Variants in BRI3 observed in about 807,000 individuals in gnomAD.
BRI3 encodes brain protein I3.
BRI3 carries 6 observed loss-of-function variants against 12.8 expected under a neutral mutation model. That is an observed-to-expected ratio of 0.47 (90% CI 0.26 to 0.93). The LOEUF (loss-of-function observed/expected upper bound fraction) is 0.93, where lower values mean the gene tolerates loss of function less well. Among genes scored for constraint, BRI3 ranks in the 40% least tolerant of loss-of-function variants. BRI3 has a pLI of 0.15. For missense variants in BRI3, 134 were observed against 171.1 expected (o/e 0.78, Z 1.21); for synonymous variants, 91 against 76.1 (o/e 1.20, Z -1.02).
intron 1 of BRI3, among the ~76,000 whole-genome samples, chr7:98,299,624 A>G (rs1800337679): frequency 6.9e-6 from 1 of 144,068 alleles, no homozygotes; most frequent in Non-Finnish European, 1.5e-5. Flanking sequence ...TCCAAGTAGC[A>G]GGGATCACAG....
chr7:98,319,565 G>C, the BRI3 span, among the ~76,000 whole-genome samples: 1 of 57,420 alleles, frequency 1.7e-5, no homozygotes, highest in African/African-American at 5.7e-5. Flanking sequence ...TTTTTTTTTT[G>C]AGATGGAGTC....
At chr7:98,322,686 C>CA in the BRI3 span, among the ~76,000 whole-genome samples, 4 of 152,180 alleles carry the variant, frequency 2.6e-5, no homozygotes, top group Admixed American at 2.0e-4. Flanking sequence ...CACGTCCCAC[C>CA]ACGTGGGCTT....
At chr7:98,286,941 C>T (rs746917218) in intron 2 of BRI3, among the ~76,000 whole-genome samples, 1 of 152,184 alleles carries the variant, frequency 6.6e-6, no homozygotes, top group Non-Finnish European at 1.5e-5. Context: ...GTTGTGGGTA[C>T]GGCTGTGGAA....
At chr7:98,313,079 T>C (rs1001227679), downstream of BRI3, among the ~76,000 whole-genome samples, 1 of 151,682 alleles carries the variant, frequency 6.6e-6, no homozygotes, top group African/African-American at 2.4e-5. Flanking sequence ...ATGTCAGTCC[T>C]GGGGAAGGGC....
chr7:98,320,604 G>A, the BRI3 span, among the ~76,000 whole-genome samples: 1 of 152,132 alleles, frequency 6.6e-6, no homozygotes, highest in African/African-American at 2.4e-5. Context: ...CAAAGTTCTG[G>A]GATTACAGGT....
At chr7:98,306,771 G>C (rs545706584) in intron 1 of BRI3, 1 of 479,554 alleles carries the variant, frequency 2.1e-6, no homozygotes, top group Non-Finnish European at 3.7e-6. Context: ...GCAGTGGTGC[G>C]ATCATAGCTC....
the BRI3 span, chr7:98,315,750 G>T: frequency 2.7e-6 from 1 of 374,124 alleles, no homozygotes; most frequent in Non-Finnish European, 4.3e-6. Context: ...TGAGAGGAAA[G>T]AATGCTGTAA....
intron 2 of BRI3, among the ~76,000 whole-genome samples, chr7:98,288,236 C>T (rs1799777398): frequency 1.3e-5 from 2 of 152,202 alleles, no homozygotes; most frequent in Non-Finnish European, 2.9e-5. Flanking sequence ...CCTCCAGCTC[C>T]CCCGGAACCT....
exon 2 of BRI3, chr7:98,310,301 G>A: frequency 1.2e-6 from 1 of 847,630 alleles, no homozygotes; most frequent in Non-Finnish European, 1.8e-6. Flanking sequence ...CTCACGCTCT[G>A]CAAAGCCAGG....
chr7:98,300,749 G>A (rs548692225), intron 1 of BRI3, among the ~76,000 whole-genome samples: 4 of 152,184 alleles, frequency 2.6e-5, no homozygotes, highest in East Asian at 3.9e-4. Context: ...ACAGGCTGGC[G>A]GCACCACTCC....
chr7:98,284,027 C>T (rs1261642266), intron 2 of BRI3, among the ~76,000 whole-genome samples: 1 of 152,224 alleles, frequency 6.6e-6, no homozygotes, highest in Non-Finnish European at 1.5e-5. Flanking sequence ...TGGAGGTGCT[C>T]TCCAGTTATG....
chr7:98,294,913 G>C (rs139839272), downstream of BRI3, among the ~76,000 whole-genome samples: 2 of 152,032 alleles, frequency 1.3e-5, no homozygotes, highest in Non-Finnish European at 2.9e-5. Context: ...AGGTGTGTGC[G>C]CGCCTTCTTT....
Position 98,281,857 on chromosome 7 carries a change from GCGACTACGCGTGCGGCCCGCA to G in BRI3, c.65_85del (p.Asp22_His28del), listed in dbSNP as rs1267531282. ...GCCTACAACCTGGAGGCCGGCCAGGGCGACTACGCGTGCGGCCCGCACGGCTACGGCGCCATCCCCGCCGCG... is the reference window on the plus strand; with the variant it reads ...GCCTACAACCTGGAGGCCGGCCAGGGCGGCTACGGCGCCATCCCCGCCGCG... On this transcript the variant is annotated inframe_deletion, in exon 1 of 3. Coordinates refer to ENST00000297290, the MANE Select transcript of BRI3 (RefSeq NM_015379.5). The G allele has an allele frequency of 1.6e-5, 21 of 1,306,152 alleles. No homozygotes were observed. The Middle Eastern group carries it at 1.1e-3, about 71-fold the overall frequency. The allele number at this position is 1,306,152 out of a possible 1,614,324, so 80.9% of individuals were successfully genotyped here.
downstream of BRI3, chr7:98,310,674 T>TA (rs1800837325): frequency 7.2e-6 from 8 of 1,107,272 alleles, 1 homozygote; most frequent in South Asian, 1.3e-4. Context: ...TTTTTTTTTT[T>TA]TAAATAATAG....
downstream of BRI3, chr7:98,293,229 T>G: frequency 3.0e-6 from 1 of 336,466 alleles, no homozygotes; most frequent in Non-Finnish European, 5.4e-6. Flanking sequence ...AAAAAATTCA[T>G]TTAAAAAATA....
chr7:98,292,003 TAC>T (rs1420068411), downstream of BRI3: 1 of 153,332 alleles, frequency 6.5e-6, no homozygotes, highest in African/African-American at 2.4e-5. Context: ...CTTTCTGTAG[TAC>T]AGACTGGGGT....
chr7:98,310,562 A>C (rs757083747), downstream of BRI3: 2 of 1,592,036 alleles, frequency 1.3e-6, no homozygotes, highest in East Asian at 4.5e-5. Context: ...TTTGGTGAGC[A>C]TTTAGAAAGG....
downstream of BRI3, chr7:98,292,383 AT>A: frequency 2.2e-6 from 1 of 459,326 alleles, no homozygotes; most frequent in Non-Finnish European, 3.9e-6. Flanking sequence ...TAATTTTTGT[AT>A]TTTTAGTAGA....
intron 2 of BRI3, chr7:98,282,750 TG>T: frequency 2.9e-6 from 1 of 347,462 alleles, no homozygotes. Context: ...ACGGGACTCG[TG>T]GTCCTTTCGT....
Sources: gnomAD v4.1 joint callset for allele counts (sites outside exome capture counted in the v4.1 genomes callset) on GRCh38, gnomAD v4.1.1 for gene constraint, MANE v1.5 for transcripts, NCBI Gene and HGNC (gene_info 2026-07-23, HGNC 2026-07-21) for gene names.